ANKRD30A: variants seen among roughly 807,000 people sequenced by gnomAD.
ANKRD30A encodes ankyrin repeat domain 30A, also known as ankyrin repeat domain-containing protein 30A.
ANKRD30A carries 170 observed loss-of-function variants against 166.3 expected under a neutral mutation model. The ratio of observed to expected loss-of-function variants is 1.02; its 90% CI spans 0.90 to 1.16. The LOEUF is 1.16. Among genes scored for constraint, ANKRD30A ranks in the 50% most tolerant of loss-of-function variants. ANKRD30A has a pLI of 0.00. For missense variants in ANKRD30A, 1,630 were observed against 1,518.0 expected (o/e 1.07, Z -1.23); for synonymous variants, 564 against 508.9 (o/e 1.11, Z -1.46).
At chr10:37,224,874 A>T (rs191623801) in intron 34 of ANKRD30A, among the ~76,000 whole-genome samples, 2 of 151,352 alleles carry the variant, frequency 1.3e-5, no homozygotes, top group East Asian at 3.9e-4. Context: ...CTATTTTTCT[A>T]CTTTGAATAA....
the ANKRD30A span, among the ~76,000 whole-genome samples, chr10:37,261,214 A>G: frequency 6.6e-6 from 1 of 152,194 alleles, no homozygotes; most frequent in Non-Finnish European, 1.5e-5. Context: ...AGTGGTTGTC[A>G]TATACATTGT....
At chr10:37,257,922 A>G in the ANKRD30A span, among the ~76,000 whole-genome samples, 23 of 152,304 alleles carry the variant, frequency 1.5e-4, no homozygotes, top group South Asian at 4.1e-4. Flanking sequence ...CAATGAGAAC[A>G]CATGGACACA....
At chr10:37,247,026 G>A in the ANKRD30A span, among the ~76,000 whole-genome samples, 19 of 152,228 alleles carry the variant, frequency 1.2e-4, no homozygotes, top group South Asian at 2.1e-4. Flanking sequence ...TTCCTAGAAC[G>A]TTCCTCTGTC....
intron 5 of ANKRD30A, 142 bp from the exon 6 acceptor site, chr10:37,136,465 T>C: frequency 2.3e-6 from 1 of 442,098 alleles, no homozygotes; most frequent in Non-Finnish European, 4.2e-6. Context: ...GCTTACAAAC[T>C]TAAAGTCTAT....
At chr10:37,171,062 C>A (rs1839527738) in intron 21 of ANKRD30A, among the ~76,000 whole-genome samples, 1 of 85,436 alleles carries the variant, frequency 1.2e-5, no homozygotes, top group Admixed American at 1.1e-4. Flanking sequence ...TCTCGGCCTC[C>A]CAAAGTACTG....
intron 4 of ANKRD30A, among the ~76,000 whole-genome samples, chr10:37,133,075 G>A (rs1239059754): frequency 6.6e-6 from 1 of 151,954 alleles, no homozygotes; most frequent in Non-Finnish European, 1.5e-5. Flanking sequence ...CTGTTTGCTT[G>A]TTTTCTTTGA....
chr10:37,154,271 T>C (rs1838190452), intron 13 of ANKRD30A, among the ~76,000 whole-genome samples: 1 of 152,232 alleles, frequency 6.6e-6, no homozygotes, highest in Non-Finnish European at 1.5e-5. Context: ...ACACTCCGTA[T>C]AGACCAGAAG....
At chr10:37,212,681 A>C (rs1468774324) in intron 31 of ANKRD30A, among the ~76,000 whole-genome samples, 1 of 152,010 alleles carries the variant, frequency 6.6e-6, no homozygotes, top group Non-Finnish European at 1.5e-5. Context: ...ATATAGACCA[A>C]TGGAATAGAA....
In ANKRD30A at chr10:37,219,834, T is replaced by A. The variant is rs1333483887; in HGVS notation, c.4122T>A (p.Phe1374Leu). ...HLLKEKNEEI[F>L]NYNNHLKNRI... ...TAAAAGAGAAAAATGAGGAGATATT[T>A]AATTACAATAACCATTTAAAAAACC... The change falls in exon 34 of 36, where the codon TTT becomes TTA. Residue 1374 changes from phenylalanine to leucine, a missense_variant. By Grantham distance (22) the Phe-to-Leu change is conservative. Around this residue, in one of 4 missense-constraint regions of ANKRD30A, gnomAD observed 712 missense variants for 629.3 expected, o/e 1.13. Coordinates refer to ENST00000361713, the MANE Select transcript of ANKRD30A (RefSeq NM_052997.3). 7 of 1,591,964 alleles carry A rather than the reference T, an allele frequency of 4.4e-6. No homozygotes were observed. In the East Asian group the frequency reaches 1.6e-4, roughly 36 times the overall value.
the ANKRD30A span, among the ~76,000 whole-genome samples, chr10:37,251,267 T>G: frequency 6.6e-6 from 1 of 152,172 alleles, no homozygotes; most frequent in Non-Finnish European, 1.5e-5. Flanking sequence ...ATTGGAGTAC[T>G]TGTTTATAGG....
the ANKRD30A span, among the ~76,000 whole-genome samples, chr10:37,257,242 C>A: frequency 6.6e-6 from 1 of 151,522 alleles, no homozygotes; most frequent in Admixed American, 6.6e-5. Flanking sequence ...GTGATGGTAT[C>A]CCCTTTATCA....
At chr10:37,134,895 T>C (rs1321205662) in intron 5 of ANKRD30A, among the ~76,000 whole-genome samples, 1 of 152,220 alleles carries the variant, frequency 6.6e-6, no homozygotes, top group Non-Finnish European at 1.5e-5. Context: ...CCCATTTTTA[T>C]TTTGTTACCA....
At chr10:37,160,585 C>G (rs1767326) in intron 15 of ANKRD30A, among the ~76,000 whole-genome samples, 7 of 152,132 alleles carry the variant, frequency 4.6e-5, no homozygotes, top group South Asian at 2.1e-4. Flanking sequence ...GAAGTTGCAC[C>G]TCTGAGTCTT....
intron 15 of ANKRD30A, among the ~76,000 whole-genome samples, chr10:37,159,637 T>G (rs1391558609): frequency 6.6e-6 from 1 of 152,242 alleles, no homozygotes; most frequent in African/African-American, 2.4e-5. Context: ...ATAGGCTATA[T>G]GTAGAATTTG....
intron 34 of ANKRD30A, among the ~76,000 whole-genome samples, chr10:37,223,983 A>G (rs947653619): frequency 2.0e-5 from 3 of 151,334 alleles, no homozygotes; most frequent in Non-Finnish European, 4.4e-5. Context: ...TAATTTCAAT[A>G]TATTTATTAA....
chr10:37,243,190 A>G, the ANKRD30A span, among the ~76,000 whole-genome samples: 2 of 146,190 alleles, frequency 1.4e-5, no homozygotes, highest in Non-Finnish European at 3.0e-5. Flanking sequence ...GCTGGAGTGC[A>G]GTGGCACGAT....
chr10:37,214,346 TC>T (rs943869499), intron 31 of ANKRD30A, among the ~76,000 whole-genome samples: 3 of 151,552 alleles, frequency 2.0e-5, no homozygotes, highest in African/African-American at 7.2e-5. Context: ...TACTTTTATA[TC>T]CATTCTGACA....
chr10:37,152,038 T>C lies in ANKRD30A; in HGVS notation c.1646-22T>C, dbSNP rs17590120. The C allele has an allele frequency of 2.5e-6, 4 of 1,584,720 alleles. No individual in the cohort carries two copies. In the African/African-American group the frequency reaches 4.1e-5, roughly 16 times the overall value. The stretch of plus-strand genomic sequence containing the variant: ...AGTAGAGAAATGTTGTCATGAATGT[T>C]TCTGTGATTAACCTTTTATAGATCC... On this transcript the variant is annotated intron_variant, in intron 11 of 35. Transcript: ENST00000361713.
intron 13 of ANKRD30A, 52 bp from the exon 14 acceptor site, chr10:37,158,340 A>ATTAC: frequency 6.4e-7 from 1 of 1,572,480 alleles, no homozygotes; most frequent in Non-Finnish European, 8.7e-7. Flanking sequence ...AATGTTCGGT[A>ATTAC]GGCTTTGTCA....
Sources: gnomAD v4.1 joint callset for allele counts (sites outside exome capture counted in the v4.1 genomes callset) on GRCh38, gnomAD v4.1.1 for gene constraint, gnomAD v4.1.1 regional missense constraint, MANE v1.5 for transcripts, NCBI Gene and HGNC (gene_info 2026-07-23, HGNC 2026-07-21) for gene names.